The following KCNU1 variants were observed in gnomAD, a reference collection of about 807,000 sequenced individuals.
KCNU1 encodes the protein potassium channel subfamily U member 1.
Under a neutral mutation model 126.8 loss-of-function variants are expected in KCNU1, and 93 were observed. The ratio of observed to expected loss-of-function variants is 0.73; its 90% confidence interval spans 0.62 to 0.87. KCNU1 has a LOEUF of 0.87. Among genes scored for constraint, KCNU1 ranks in the 40% least tolerant of loss-of-function variants. The pLI is 0.00. For missense variants in KCNU1, 1,330 were observed against 1,367.1 expected, an observed-to-expected ratio of 0.97 and a Z score of 0.43; for synonymous variants, 523 against 494.2, an observed-to-expected ratio of 1.06 and a Z score of -0.77.
chr8:36,876,845 T>C (rs74372310), intron 19 of KCNU1, among the ~76,000 whole-genome samples: 2 of 152,232 alleles, frequency 1.3e-5, no homozygotes, highest in East Asian at 1.9e-4. Context: ...TCTAATAATA[T>C]ACGCCCTGGC....
rs16885453 is a variant in KCNU1 at position 36,817,579 on chromosome 8, T to C, written c.996-71T>C. On this transcript the variant is annotated intron_variant, in intron 9 of 26. Transcript: ENST00000399881. Reference sequence around the variant, plus strand: ...GGAAACTAAGTTTAAGCCAATTATTTATCTCTAAATGCTGACAGGAAGGTG... The same window carrying C: ...GGAAACTAAGTTTAAGCCAATTATTCATCTCTAAATGCTGACAGGAAGGTG... The C allele has an allele frequency of 0.022, 16,381 of 731,524 alleles. 1,253 individuals carry two copies. In the East Asian group the frequency reaches 0.23, roughly 10 times the overall value. 45.3% of individuals were successfully genotyped at this position (731,524 alleles called of 1,614,324 possible). A position where few individuals can be genotyped will look rare whatever the true frequency, so the allele number is the denominator to read the frequency against.
chr8:36,889,863 A>G (rs375399782), intron 19 of KCNU1, among the ~76,000 whole-genome samples: 78 of 152,222 alleles, frequency 5.1e-4, no homozygotes, highest in African/African-American at 1.9e-3. Flanking sequence ...TTGCAAAAGA[A>G]CCCAAATGAA....
intron 19 of KCNU1, among the ~76,000 whole-genome samples, chr8:36,901,927 A>G (rs1807435140): frequency 1.3e-5 from 2 of 152,154 alleles, no homozygotes. Flanking sequence ...TTTTCCTGCT[A>G]TAGCATAACC....
chr8:36,802,048 G>T (rs566278164), intron 2 of KCNU1, among the ~76,000 whole-genome samples: 282 of 149,022 alleles, frequency 1.9e-3, no homozygotes, highest in African/African-American at 6.7e-3. Flanking sequence ...GGCGGAGGTT[G>T]CAGTGAGCCG....
intron 10 of KCNU1, among the ~76,000 whole-genome samples, chr8:36,825,058 C>T (rs1201908636): frequency 1.3e-5 from 2 of 152,162 alleles, no homozygotes; most frequent in Non-Finnish European, 2.9e-5. Context: ...CAATCTGCAC[C>T]TTACCAGTAT....
chr8:36,812,260 ATC>A (rs752814976), intron 7 of KCNU1, among the ~76,000 whole-genome samples: 19 of 151,732 alleles, frequency 1.3e-4, no homozygotes, highest in Admixed American at 2.0e-4. Context: ...GGCACCTGCA[ATC>A]CCAGCTACTC....
intron 20 of KCNU1, among the ~76,000 whole-genome samples, chr8:36,906,031 A>G (rs139298634): frequency 1.3e-5 from 2 of 152,278 alleles, no homozygotes; most frequent in African/African-American, 4.8e-5. Flanking sequence ...TCAAACAATT[A>G]TATGTCTTCA....
chr8:36,787,808 A>T (rs547732549), intron 2 of KCNU1, among the ~76,000 whole-genome samples: 1 of 147,618 alleles, frequency 6.8e-6, no homozygotes, highest in African/African-American at 2.5e-5. Context: ...AATTATAGTT[A>T]ATTACTAATT....
At chr8:36,822,841 G>A (rs1012996809) in intron 10 of KCNU1, among the ~76,000 whole-genome samples, 2 of 152,090 alleles carry the variant, frequency 1.3e-5, no homozygotes, top group Non-Finnish European at 2.9e-5. Flanking sequence ...ATGAGTGGGC[G>A]CATAAAGGTC....
Position 36,921,678 on chromosome 8 carries a change from A to AAAGAAGAG in KCNU1, c.2597-811_2597-804dup, listed in dbSNP as rs1224422267. 1.1e-3 allele frequency among the ~76,000 whole-genome samples: 167 copies of AAAGAAGAG among 151,462 alleles called. 1 individual carries two copies. Among genetic ancestry groups the AAAGAAGAG allele is most frequent in the African/African-American group, 3.5e-3 (146 of 41,290 alleles). ...AGTGAGGAAAAAAAAAAAAAAAAAA[A>AAAGAAGAG]AAGAAGAGTCTAGGAACAAAGGCAG... is the stretch of plus-strand genomic sequence containing the variant. On this transcript the variant is annotated intron_variant, in intron 23 of 26. Coordinates refer to ENST00000399881, the MANE Select transcript of KCNU1 (RefSeq NM_001031836.3).
intron 10 of KCNU1, among the ~76,000 whole-genome samples, chr8:36,821,683 A>G (rs371443668): frequency 1.3e-5 from 2 of 152,154 alleles, no homozygotes; most frequent in East Asian, 3.9e-4. Context: ...CTCTTTATAC[A>G]TACAGATGGT....
intron 19 of KCNU1, among the ~76,000 whole-genome samples, chr8:36,873,099 C>T (rs1806161151): frequency 6.6e-6 from 1 of 151,936 alleles, no homozygotes; most frequent in Non-Finnish European, 1.5e-5. Flanking sequence ...ACTAACCAAC[C>T]AAACAAACAA....
intron 16 of KCNU1, among the ~76,000 whole-genome samples, chr8:36,844,825 T>G (rs1051425779): frequency 2.6e-5 from 4 of 152,192 alleles, no homozygotes; most frequent in African/African-American, 9.7e-5. Flanking sequence ...TATAGGGTTT[T>G]GAGACCTCAC....
intron 7 of KCNU1, among the ~76,000 whole-genome samples, chr8:36,809,299 T>A (rs2130435651): frequency 6.6e-6 from 1 of 152,170 alleles, no homozygotes; most frequent in South Asian, 2.1e-4. Flanking sequence ...TAATGAGAAA[T>A]CTAGGAAATG....
chr8:36,902,702 T>C (rs929604240), intron 19 of KCNU1, among the ~76,000 whole-genome samples: 5 of 152,108 alleles, frequency 3.3e-5, no homozygotes, highest in Non-Finnish European at 5.9e-5. Context: ...CATTCATCAA[T>C]GCTCCAAATC....
chr8:36,879,402 G>C (rs1410441029), intron 19 of KCNU1, among the ~76,000 whole-genome samples: 1 of 151,848 alleles, frequency 6.6e-6, no homozygotes, highest in Non-Finnish European at 1.5e-5. Context: ...CTTGAGAAAT[G>C]TATGTCTGGT....
intron 23 of KCNU1, among the ~76,000 whole-genome samples, chr8:36,920,735 C>T (rs767717101): frequency 1.4e-4 from 22 of 152,100 alleles, no homozygotes; most frequent in African/African-American, 1.9e-4. Flanking sequence ...CGTGCGCGCA[C>T]GTGCGCATGT....
rs537393757 is a variant in KCNU1 at position 36,863,458 on chromosome 8, A to C, written c.1892-946A>C. ...TCCACCTCCTTAGGAACTTCTGCTC[A>C]GACAATCTCTCCATCTCTGATCACC... On this transcript the variant is annotated intron_variant, in intron 18 of 26. Coordinates refer to ENST00000399881, the MANE Select transcript of KCNU1 (RefSeq NM_001031836.3). Among the ~76,000 whole-genome samples, 4 of 152,300 alleles carry C rather than the reference A, an allele frequency of 2.6e-5. No individual in the cohort carries two copies. In the South Asian group the frequency reaches 8.3e-4, roughly 32 times the overall value.
At chr8:36,844,396 A>AT (rs35303647) in intron 16 of KCNU1, among the ~76,000 whole-genome samples, 30,503 of 152,044 alleles carry the variant, frequency 0.2, 3,355 homozygotes, top group Admixed American at 0.32. Flanking sequence ...AAAACAAAAA[A>AT]AAAAGGCTAT....
Sources: gnomAD v4.1 joint callset for allele counts (sites outside exome capture counted in the v4.1 genomes callset) on GRCh38, gnomAD v4.1.1 for gene constraint, MANE v1.5 for transcripts, NCBI Gene and HGNC (gene_info 2026-07-23, HGNC 2026-07-21) for gene names.